Variants in FOXN3 observed in about 807,000 individuals in gnomAD.
The protein encoded by FOXN3 is forkhead box N3, also known as forkhead box protein N3.
In FOXN3, 7 loss-of-function variants were observed where a neutral mutation model predicts 38.4. That is an observed-to-expected ratio of 0.18 (90% CI 0.10 to 0.34). The LOEUF (loss-of-function observed/expected upper bound fraction) is 0.34, where lower values mean the gene tolerates loss of function less well. Ranked by LOEUF, FOXN3 falls within the 10% of genes least tolerant of loss-of-function variation. FOXN3 has a pLI of 1.00. For synonymous variants in FOXN3, 230 were observed against 242.2 expected, an observed-to-expected ratio of 0.95 and a Z score of 0.47; for missense variants, 456 against 613.4, an observed-to-expected ratio of 0.74 and a Z score of 2.71.
At chr14:89,526,371 T>G (rs571156850) in intron 1 of FOXN3, among the ~76,000 whole-genome samples, 1 of 152,000 alleles carries the variant, frequency 6.6e-6, no homozygotes, top group African/African-American at 2.4e-5. Context: ...TCCCAAAGAA[T>G]CTACAGAAAA....
intron 4 of FOXN3, among the ~76,000 whole-genome samples, chr14:89,255,502 A>G (rs1596134743): frequency 6.6e-6 from 1 of 152,288 alleles, no homozygotes; most frequent in East Asian, 1.9e-4. Context: ...AAAAAGTCCT[A>G]TGACAAAAGT....
At chr14:89,464,730 G>T (rs1437609373) in intron 1 of FOXN3, among the ~76,000 whole-genome samples, 1 of 152,018 alleles carries the variant, frequency 6.6e-6, no homozygotes, top group Non-Finnish European at 1.5e-5. Flanking sequence ...ACGGAGTCTT[G>T]CTCTGTCGCC....
At chr14:89,267,423 G>A (rs1394978662) in intron 4 of FOXN3, among the ~76,000 whole-genome samples, 1 of 152,192 alleles carries the variant, frequency 6.6e-6, no homozygotes, top group Non-Finnish European at 1.5e-5. Context: ...TGGCTCACCA[G>A]GTAGACCAGG....
intron 4 of FOXN3, among the ~76,000 whole-genome samples, chr14:89,209,670 C>T (rs150733306): frequency 3.2e-4 from 48 of 152,182 alleles, no homozygotes; most frequent in Middle Eastern, 3.4e-3. Context: ...CAAAACTTAC[C>T]CACTATTCAG....
At chr14:89,480,490 G>C (rs1396343826) in intron 1 of FOXN3, among the ~76,000 whole-genome samples, 1 of 151,874 alleles carries the variant, frequency 6.6e-6, no homozygotes, top group Non-Finnish European at 1.5e-5. Flanking sequence ...CTGGCCAGCT[G>C]GCTCTGTGTC....
chr14:89,426,473 C>G (rs1030980161), intron 1 of FOXN3, among the ~76,000 whole-genome samples: 4 of 151,968 alleles, frequency 2.6e-5, no homozygotes, highest in Admixed American at 2.6e-4. Context: ...GTGACCCACC[C>G]GCCTCGGCCT....
At chr14:89,320,316 A>C (rs1436307525) in intron 3 of FOXN3, among the ~76,000 whole-genome samples, 1 of 152,252 alleles carries the variant, frequency 6.6e-6, no homozygotes. Flanking sequence ...CTATTGGCAG[A>C]AAACAGACCC....
intron 3 of FOXN3, chr14:89,284,510 T>TAA (rs1886557493): frequency 2.2e-6 from 1 of 455,930 alleles, no homozygotes; most frequent in South Asian, 1.5e-5. Flanking sequence ...ACTAAACTCT[T>TAA]AGTCATCCTT....
In FOXN3 at chr14:89,161,600, T is replaced by TGTGTGTGTGTGTGTGTGTGC. The variant is rs530463007; in HGVS notation, c.*813_*814insGCACACACACACACACACAC. On this transcript the variant is annotated 3_prime_UTR_variant, in exon 6 of 6. Transcript: ENST00000557258. ...GTGTGTGTGTGTGTGTGTGTGTGCG[T>TGTGTGTGTGTGTGTGTGTGC]GCGTGCACAGGGCCAATCTTCAGGC... is the stretch of plus-strand genomic sequence containing the variant. The TGTGTGTGTGTGTGTGTGTGC allele has an allele frequency of 1.4e-5, 2 of 147,536 alleles. No individual in the cohort carries two copies. Among genetic ancestry groups the TGTGTGTGTGTGTGTGTGTGC allele is most frequent in the Admixed American group, 6.8e-5 (1 of 14,772 alleles). The allele number at this position is 147,536 out of a possible 1,614,324, so 9.1% of individuals were successfully genotyped here.
At chr14:89,283,375 T>C (rs1886518677) in intron 3 of FOXN3, among the ~76,000 whole-genome samples, 1 of 152,196 alleles carries the variant, frequency 6.6e-6, no homozygotes, top group African/African-American at 2.4e-5. Context: ...GACAGACTCA[T>C]GGTTATGCCT....
chr14:89,465,564 T>C (rs550577263), intron 1 of FOXN3, among the ~76,000 whole-genome samples: 64 of 152,312 alleles, frequency 4.2e-4, no homozygotes, highest in East Asian at 3.9e-4. Context: ...ACTAATACAA[T>C]CCAGAAGAAC....
intron 4 of FOXN3, among the ~76,000 whole-genome samples, chr14:89,269,129 C>T (rs76998779): frequency 0.013 from 1,975 of 152,258 alleles, 47 homozygotes; most frequent in African/African-American, 0.045. Flanking sequence ...TACTGGCAGA[C>T]GTCATCAACA....
chr14:89,350,503 G>T, intron 3 of FOXN3, 169 bp downstream of exon 3: 1 of 526,852 alleles, frequency 1.9e-6, no homozygotes, highest in Non-Finnish European at 3.1e-6. Context: ...GGTAAGGTTT[G>T]TAGGAAATAC....
intron 1 of FOXN3, among the ~76,000 whole-genome samples, chr14:89,455,695 C>CAAG (rs895211483): frequency 6.6e-6 from 1 of 152,106 alleles, no homozygotes; most frequent in African/African-American, 2.4e-5. Flanking sequence ...GGAAGGAAAG[C>CAAG]AAGGAGGCAA....
At chr14:89,252,135 G>A (rs1439436551) in intron 4 of FOXN3, among the ~76,000 whole-genome samples, 1 of 152,254 alleles carries the variant, frequency 6.6e-6, no homozygotes, top group African/African-American at 2.4e-5. Flanking sequence ...TCTTATGCCC[G>A]TTTAACAAAT....
intron 1 of FOXN3, among the ~76,000 whole-genome samples, chr14:89,464,868 T>G (rs995754525): frequency 6.6e-6 from 1 of 152,058 alleles, no homozygotes; most frequent in Non-Finnish European, 1.5e-5. Context: ...CGGCTAATTT[T>G]TGTACTTTTG....
chr14:89,327,462 G>C (rs1013167548), intron 3 of FOXN3, among the ~76,000 whole-genome samples: 3 of 152,272 alleles, frequency 2.0e-5, no homozygotes, highest in African/African-American at 7.2e-5. Flanking sequence ...ACAGCTTCAA[G>C]AGCAAAAGGA....
At chr14:89,207,130 A>C (rs1261358171) in intron 4 of FOXN3, among the ~76,000 whole-genome samples, 1 of 152,174 alleles carries the variant, frequency 6.6e-6, no homozygotes, top group African/African-American at 2.4e-5. Context: ...CTGAGGCAGC[A>C]GGATCGCTTG....
At chr14:89,357,800 T>C (rs1889297001) in intron 2 of FOXN3, among the ~76,000 whole-genome samples, 2 of 152,204 alleles carry the variant, frequency 1.3e-5, no homozygotes, top group Non-Finnish European at 2.9e-5. Flanking sequence ...GATGTTCTCA[T>C]GATGATGCAA....
Sources: gnomAD v4.1 joint callset for allele counts (sites outside exome capture counted in the v4.1 genomes callset) on GRCh38, gnomAD v4.1.1 for gene constraint, MANE v1.5 for transcripts, NCBI Gene and HGNC (gene_info 2026-07-23, HGNC 2026-07-21) for gene names.